Variants in AK9 observed in about 807,000 individuals in gnomAD.
AK9 encodes the protein adenylate kinase domain containing 1.
Under a neutral mutation model 239.6 loss-of-function variants are expected in AK9, and 191 were observed. The observed-to-expected ratio is 0.80, with a 90% CI of 0.71 to 0.90. The LOEUF (loss-of-function observed/expected upper bound fraction) is 0.90, where lower values mean the gene tolerates loss of function less well. AK9 is among the 40% of genes least tolerant of loss of function. AK9 has a pLI of 0.00. For missense variants in AK9, 1,995 were observed against 2,214.7 expected (o/e 0.90, Z 1.99); for synonymous variants, 689 against 721.0 (o/e 0.96, Z 0.71).
At chr6:109,594,270 C>T (rs1344346412) in intron 17 of AK9, among the ~76,000 whole-genome samples, 1 of 152,072 alleles carries the variant, frequency 6.6e-6, no homozygotes, top group Non-Finnish European at 1.5e-5. Flanking sequence ...TTCACAATTG[C>T]TACAAAAAGA....
chr6:109,607,768 G>GGTGT (rs10648225), intron 17 of AK9, among the ~76,000 whole-genome samples: 35,758 of 145,218 alleles, frequency 0.25, 4,381 homozygotes, highest in Middle Eastern at 0.29. Context: ...CCAGCAGAGG[G>GGTGT]GTGTGTGTGT....
At chr6:109,577,458 T>C (rs1426661018) in intron 20 of AK9, among the ~76,000 whole-genome samples, 1 of 152,020 alleles carries the variant, frequency 6.6e-6, no homozygotes, top group Non-Finnish European at 1.5e-5. Context: ...TTTTTTAATG[T>C]CCTTTCTTGG....
chr6:109,507,728 TAAAGC>T (rs1778257214), intron 33 of AK9, among the ~76,000 whole-genome samples: 1 of 152,208 alleles, frequency 6.6e-6, no homozygotes, highest in Non-Finnish European at 1.5e-5. Context: ...TTCCAGCTGT[TAAAGC>T]AAACTAAATA....
intron 1 of AK9, chr6:109,690,514 G>A (rs1774199832): frequency 6.6e-6 from 1 of 152,196 alleles, no homozygotes; most frequent in Non-Finnish European, 1.5e-5. Flanking sequence ...ACTGCCTCCA[G>A]GGACTCCGCG....
intron 29 of AK9, chr6:109,528,450 G>A (rs1780788612): frequency 2.4e-6 from 1 of 416,596 alleles, no homozygotes; most frequent in South Asian, 1.7e-5. Context: ...ATAAATGAAT[G>A]AAAATCGAGG....
intron 5 of AK9, among the ~76,000 whole-genome samples, chr6:109,671,374 T>A (rs1415606196): frequency 1.3e-5 from 2 of 152,238 alleles, no homozygotes; most frequent in Non-Finnish European, 2.9e-5. Flanking sequence ...ATTTTGAGCT[T>A]CAGTGGTCTT....
intron 7 of AK9, among the ~76,000 whole-genome samples, chr6:109,658,202 GTTA>G (rs1324510716): frequency 6.6e-6 from 1 of 152,064 alleles, no homozygotes; most frequent in Non-Finnish European, 1.5e-5. Flanking sequence ...TGGACCAAAG[GTTA>G]TACATTTCAA....
intron 25 of AK9, among the ~76,000 whole-genome samples, chr6:109,546,329 G>A (rs759408993): frequency 7.2e-5 from 11 of 152,186 alleles, no homozygotes; most frequent in Non-Finnish European, 1.0e-4. Flanking sequence ...TCCTCAGGGA[G>A]CACCAACAAC....
chr6:109,681,825 C>A (rs1269899069), intron 1 of AK9, among the ~76,000 whole-genome samples: 1 of 152,178 alleles, frequency 6.6e-6, no homozygotes, highest in Admixed American at 6.5e-5. Context: ...AACTAACCTG[C>A]TCCTGAATGA....
chr6:109,500,118 T>TAA (rs1278929895), intron 35 of AK9, among the ~76,000 whole-genome samples: 1 of 151,184 alleles, frequency 6.6e-6, no homozygotes, highest in Non-Finnish European at 1.5e-5. Flanking sequence ...TTGCTACATT[T>TAA]AAAAAAAACC....
At chr6:109,639,866 T>C (rs1216575185) in intron 10 of AK9, among the ~76,000 whole-genome samples, 1 of 152,224 alleles carries the variant, frequency 6.6e-6, no homozygotes, top group Admixed American at 6.5e-5. Flanking sequence ...TTTCTACATA[T>C]GGCTAGCCAG....
At chr6:109,606,055 C>T (rs982398330) in intron 17 of AK9, among the ~76,000 whole-genome samples, 8 of 152,010 alleles carry the variant, frequency 5.3e-5, no homozygotes, top group Non-Finnish European at 1.2e-4. Flanking sequence ...AAATCAAACT[C>T]TCAAGAGTTT....
At chr6:109,543,015 T>C (rs1230259376) in intron 26 of AK9, among the ~76,000 whole-genome samples, 1 of 152,182 alleles carries the variant, frequency 6.6e-6, no homozygotes, top group East Asian at 1.9e-4. Flanking sequence ...AATTTTACAG[T>C]ATTATCTCTC....
intron 5 of AK9, among the ~76,000 whole-genome samples, chr6:109,670,135 CT>C (rs373339336): frequency 2.4e-4 from 37 of 152,146 alleles, no homozygotes; most frequent in African/African-American, 7.5e-4. Flanking sequence ...GTAGGGGAAA[CT>C]TATATATAAA....
chr6:109,644,421 C>A, intron 9 of AK9, 193 bp downstream of exon 9: 2 of 442,976 alleles, frequency 4.5e-6, no homozygotes, highest in Non-Finnish European at 7.6e-6. Flanking sequence ...ATTTTAAATT[C>A]GAATGTAGTT....
At chr6:109,648,774 C>T (rs2128298796) in intron 8 of AK9, among the ~76,000 whole-genome samples, 1 of 152,280 alleles carries the variant, frequency 6.6e-6, no homozygotes, top group Non-Finnish European at 1.5e-5. Flanking sequence ...CAAAGACTGG[C>T]AGAGACACAA....
At chr6:109,612,144 A>G in intron 15 of AK9, 51 bp from the exon 16 acceptor site, 5 of 1,224,636 alleles carry the variant, frequency 4.1e-6, no homozygotes, top group Non-Finnish European at 5.7e-6. Context: ...AAAAAAATGT[A>G]GGTGATTCCC....
intron 17 of AK9, among the ~76,000 whole-genome samples, chr6:109,589,605 T>C (rs1333932194): frequency 6.6e-6 from 1 of 152,200 alleles, no homozygotes; most frequent in Admixed American, 6.5e-5. Flanking sequence ...TCTAGGACTA[T>C]GTTGAACAGC....
In AK9 at chr6:109,564,311, A is replaced by G. The variant is rs923942315; in HGVS notation, c.2435-31T>C. Reference sequence around the variant, plus strand: ...GAGTAAAAGACAAAGGAAAGAAAAAAGGGGCTTTAAATATCCTATCTTTAG... The same window carrying G: ...GAGTAAAAGACAAAGGAAAGAAAAAGGGGGCTTTAAATATCCTATCTTTAG... On this transcript the variant is annotated intron_variant, in intron 22 of 40. Transcript: ENST00000424296. 3.2e-5 allele frequency: 48 copies of G among 1,495,012 alleles called. No homozygotes were observed. In the East Asian group the frequency reaches 1.1e-3, roughly 35 times the overall value. The allele number at this position is 1,495,012 out of a possible 1,614,324, so 92.6% of individuals were successfully genotyped here. A position where few individuals can be genotyped will look rare whatever the true frequency, so the allele number is the denominator to read the frequency against.
Sources: allele counts gnomAD v4.1 joint callset (sites outside exome capture counted in the v4.1 genomes callset), GRCh38; gene constraint gnomAD v4.1.1; transcripts MANE v1.5; gene names NCBI Gene and HGNC (gene_info 2026-07-23, HGNC 2026-07-21).